RPE: variants seen among roughly 807,000 people sequenced by gnomAD.
The protein encoded by RPE is ribulose-5-phosphate-3-epimerase.
Under a neutral mutation model 24.6 loss-of-function variants are expected in RPE, and 16 were observed. The observed-to-expected ratio is 0.65, with a 90% CI of 0.44 to 0.99. The LOEUF is 0.99. RPE is among the 50% of genes least tolerant of loss of function. The pLI is 0.00. For synonymous variants in RPE, 93 were observed against 98.4 expected (o/e 0.94, Z 0.33); for missense variants, 240 against 294.5 (o/e 0.81, Z 1.35).
intron 2 of RPE, among the ~76,000 whole-genome samples, chr2:210,010,113 CG>C (rs1279499709): frequency 2.0e-5 from 3 of 152,150 alleles, no homozygotes; most frequent in African/African-American, 7.2e-5. Context: ...TCTCTGAGGG[CG>C]GGGATTGAAT....
At position 210,021,485 on chromosome 2, in the gene RPE, ATTTGAG is replaced by A. The variant is rs1043783429; in HGVS notation, c.*1698_*1703del. 2 of 152,550 alleles carry A rather than the reference ATTTGAG, an allele frequency of 1.3e-5. No homozygotes were observed. Among genetic ancestry groups the A allele is most frequent in the African/African-American group, 2.4e-5 (1 of 41,448 alleles). 9.4% of individuals were successfully genotyped at this position (152,550 alleles called of 1,614,324 possible). A position where few individuals can be genotyped will look rare whatever the true frequency, so the allele number is the denominator to read the frequency against. On this transcript the variant is annotated 3_prime_UTR_variant, in exon 6 of 6. Transcript: ENST00000359429. ...GATTATAATATCAGACGTGACAAAG[ATTTGAG>A]TTTATTTGCCTGGACAACTTGGGTT...
chr2:210,014,573 A>G (rs906458554), intron 2 of RPE, among the ~76,000 whole-genome samples: 23 of 151,992 alleles, frequency 1.5e-4, no homozygotes, highest in African/African-American at 4.6e-4. Context: ...TCAGAGGATC[A>G]CTTGTGGCCA....
At chr2:210,005,208 C>G (rs1200400196) in intron 1 of RPE, among the ~76,000 whole-genome samples, 1 of 151,894 alleles carries the variant, frequency 6.6e-6, no homozygotes, top group African/African-American at 2.4e-5. Flanking sequence ...GAAATGTGGC[C>G]AGCCACAATG....
At chr2:210,006,859 C>T (rs933551081) in intron 1 of RPE, among the ~76,000 whole-genome samples, 1 of 152,174 alleles carries the variant, frequency 6.6e-6, no homozygotes, top group Non-Finnish European at 1.5e-5. Flanking sequence ...AGAAATTAAA[C>T]CTCCAAAGAC....
intron 1 of RPE, among the ~76,000 whole-genome samples, chr2:210,008,286 GTTTTTGTTTT>G (rs1356457671): frequency 2.3e-5 from 3 of 129,708 alleles, no homozygotes; most frequent in East Asian, 2.1e-4. Flanking sequence ...TTTTTTGTTT[GTTTTTGTTTT>G]TTTTTTTTTT....
chr2:210,008,375 A>G (rs1022438844), intron 1 of RPE, among the ~76,000 whole-genome samples: 8 of 146,912 alleles, frequency 5.4e-5, no homozygotes, highest in South Asian at 2.1e-4. Flanking sequence ...AGCTCACTAC[A>G]GTCTCCACCT....
intron 2 of RPE, among the ~76,000 whole-genome samples, chr2:210,010,433 C>CT (rs1365950200): frequency 2.0e-5 from 3 of 151,688 alleles, no homozygotes; most frequent in African/African-American, 4.8e-5. Context: ...TTATTTTTTT[C>CT]TTTTTTTTAA....
At position 210,018,549 on chromosome 2, in the gene RPE, C is replaced by T. The variant is rs1355565001; in HGVS notation, c.564+990C>T. On this transcript the variant is annotated intron_variant, in intron 5 of 5. Coordinates refer to ENST00000359429, the MANE Select transcript of RPE (RefSeq NM_199229.3). ...TCCAGGTTCTTGTATAACTGCCACA[C>T]GTTTCTGCTTGATATATACCTATCA... is the stretch of plus-strand genomic sequence containing the variant. The T allele has an allele frequency of 5.1e-6, 5 of 984,988 alleles. No individual in the cohort carries two copies. In the African/African-American group the frequency reaches 5.3e-5, roughly 10 times the overall value. 61.0% of individuals were successfully genotyped at this position (984,988 alleles called of 1,614,324 possible).
At chr2:210,002,827 G>A (rs2093579074) in intron 1 of RPE, 44 bp downstream of exon 1, 1 of 1,614,022 alleles carries the variant, frequency 6.2e-7, no homozygotes, top group Non-Finnish European at 8.5e-7. Context: ...GCGGCGGGGC[G>A]GATCAGTGCA....
At chr2:210,016,296 T>G (rs1344439884) in intron 3 of RPE, 184 bp downstream of exon 3, 5 of 1,606,488 alleles carry the variant, frequency 3.1e-6, no homozygotes, top group Admixed American at 1.7e-5. Flanking sequence ...TCTTCAGCTA[T>G]GATGCCAGGA....
chr2:210,019,610 T>C, intron 5 of RPE, 59 bp from the exon 6 acceptor site: 2 of 1,580,002 alleles, frequency 1.3e-6, no homozygotes, highest in African/African-American at 1.4e-5. Context: ...CCAGGAATTC[T>C]GTTTTAGGTT....
chr2:210,003,167 ACTTCT>A (rs2093585619), intron 1 of RPE, among the ~76,000 whole-genome samples: 1 of 152,166 alleles, frequency 6.6e-6, no homozygotes, highest in Non-Finnish European at 1.5e-5. Context: ...GGGGAAACAG[ACTTCT>A]CTAACGATTT....
At chr2:210,019,513 T>C (rs569138960) in intron 5 of RPE, among the ~76,000 whole-genome samples, 156 bp from the exon 6 acceptor site, 61 of 152,344 alleles carry the variant, frequency 4.0e-4, no homozygotes, top group African/African-American at 1.4e-3. Context: ...ATTTTTCTTA[T>C]TGAACTAGAT....
intron 2 of RPE, among the ~76,000 whole-genome samples, chr2:210,012,804 G>A (rs1280411675): frequency 1.3e-5 from 2 of 152,148 alleles, no homozygotes; most frequent in South Asian, 2.1e-4. Context: ...GTTTGATAGC[G>A]TCCCAACAGT....
At position 210,016,534 on chromosome 2, in the gene RPE, T is replaced by C. The variant is rs759738396; in HGVS notation, c.370T>C (p.Ser124Pro). The C allele has an allele frequency of 6.2e-7, 1 of 1,614,238 alleles. No homozygotes were observed. The highest frequency in any genetic ancestry group is 8.5e-7 in the Non-Finnish European group (1 of 1,180,042). The change falls in exon 4 of 6, where the codon TCA becomes CCA. Residue 124 changes from serine (S) to proline (P), a missense_variant. Transcript: ENST00000359429. ...TGGCCTTGCCATCAAACCAGGAACC[T>C]CAGTTGAGTATTTGGCACCATGGGC... ...KVGLAIKPGTSVEYLAPWANQ... is the reference protein window; with the variant it reads ...KVGLAIKPGTPVEYLAPWANQ...
chr2:210,018,667 A>G, intron 5 of RPE: 2 of 985,346 alleles, frequency 2.0e-6, no homozygotes, highest in Non-Finnish European at 2.4e-6. Flanking sequence ...ATTGCTTTGT[A>G]CTAAACTGTG....
In RPE at chr2:210,009,639, A is replaced by C. The variant is rs1177818991; in HGVS notation, c.123-18A>C. ...TGAATTGAAAACATTTTCAGAGTAG[A>C]TTTTGTTTGTCTTGTAGGCATTTTG... On this transcript the variant is annotated intron_variant, in intron 1 of 5. Coordinates refer to ENST00000359429, the MANE Select transcript of RPE (RefSeq NM_199229.3). 1.2e-6 allele frequency: 2 copies of C among 1,613,948 alleles called. No individual in the cohort carries two copies. Among genetic ancestry groups the C allele is most frequent in the African/African-American group, 2.7e-5 (2 of 74,904 alleles).
intron 2 of RPE, among the ~76,000 whole-genome samples, chr2:210,014,019 A>T (rs1296267115): frequency 6.6e-6 from 1 of 152,192 alleles, no homozygotes; most frequent in Non-Finnish European, 1.5e-5. Context: ...TGGTTACTGG[A>T]TGCTAGAGGT....
At position 210,002,642 on chromosome 2, in the gene RPE, TG is replaced by T. The variant is rs199820734; in HGVS notation, c.-19del. 4,826 of 1,610,050 alleles carry T rather than the reference TG, an allele frequency of 3.0e-3. 78 individuals carry two copies. In the African/African-American group the frequency reaches 0.034, roughly 11 times the overall value. On this transcript the variant is annotated 5_prime_UTR_variant, in exon 1 of 6. Coordinates refer to ENST00000359429, the MANE Select transcript of RPE (RefSeq NM_199229.3). Reference sequence around the variant, plus strand: ...CCTTGCCGGGGACTCGTGGGTAACTTGCTTTTGGGAGCCAGCGGTATGGCGT... The same window carrying T: ...CCTTGCCGGGGACTCGTGGGTAACTTCTTTTGGGAGCCAGCGGTATGGCGT...
Sources: gnomAD v4.1 joint callset for allele counts (sites outside exome capture counted in the v4.1 genomes callset) on GRCh38, gnomAD v4.1.1 for gene constraint, MANE v1.5 for transcripts, NCBI Gene and HGNC (gene_info 2026-07-23, HGNC 2026-07-21) for gene names.